Variants in EXOC6B observed in about 807,000 individuals in gnomAD.
EXOC6B encodes exocyst complex component 6B.
Under a neutral mutation model 113.5 loss-of-function variants are expected in EXOC6B, and 54 were observed. The observed-to-expected ratio is 0.48, with a 90% CI of 0.38 to 0.60. EXOC6B has a LOEUF of 0.60. Among genes scored for constraint, EXOC6B ranks in the 20% least tolerant of loss-of-function variants. The probability of loss-of-function intolerance (pLI) is 0.00; values close to 1 mark genes in which losing one functional copy is unlikely to be tolerated. For missense variants in EXOC6B, 797 were observed against 977.5 expected, an observed-to-expected ratio of 0.82 and a Z score of 2.46; for synonymous variants, 357 against 339.0, an observed-to-expected ratio of 1.05 and a Z score of -0.58.
At chr2:72,561,293 A>G (rs1208506696) in intron 7 of EXOC6B, among the ~76,000 whole-genome samples, 2 of 152,110 alleles carry the variant, frequency 1.3e-5, no homozygotes, top group Non-Finnish European at 1.5e-5. Context: ...AAAACTACAC[A>G]TGCATATGAA....
rs10171899 is a variant in EXOC6B at position 72,253,933 on chromosome 2, G to A, written c.2197-69746C>T. The stretch of plus-strand genomic sequence containing the variant: ...CCCAGCACTTCGGGAGGCTGAGGCG[G>A]GTGGATCACAAGGTCAGGAGATCAA... On this transcript the variant is annotated intron_variant, in intron 20 of 21. Coordinates refer to ENST00000272427, the MANE Select transcript of EXOC6B (RefSeq NM_015189.3). Among the ~76,000 whole-genome samples, 872 of 152,250 alleles carry A rather than the reference G, an allele frequency of 5.7e-3. 12 individuals are homozygous for A. The highest frequency in any genetic ancestry group is 0.02 in the African/African-American group (833 of 41,534).
At chr2:72,454,578 T>C (rs1246187488) in intron 18 of EXOC6B, among the ~76,000 whole-genome samples, 2 of 152,178 alleles carry the variant, frequency 1.3e-5, no homozygotes, top group African/African-American at 4.8e-5. Context: ...GTGTGGAATT[T>C]TGCAGTATGT....
chr2:72,632,958 G>A (rs1672575376), intron 6 of EXOC6B, among the ~76,000 whole-genome samples: 2 of 152,174 alleles, frequency 1.3e-5, no homozygotes, highest in South Asian at 4.1e-4. Context: ...TTACAGGCAT[G>A]AGCCACTGCA....
At chr2:72,588,332 G>T (rs1184358437) in intron 6 of EXOC6B, among the ~76,000 whole-genome samples, 1 of 151,958 alleles carries the variant, frequency 6.6e-6, no homozygotes, top group Non-Finnish European at 1.5e-5. Context: ...TACATACAAT[G>T]AAATATTATG....
At position 72,376,110 on chromosome 2, in the gene EXOC6B, G is replaced by GA. The variant is rs368007270; in HGVS notation, c.2122+3618dup. ...TTAATGAAGTAGTCTCAAGGTTCTA[G>GA]AAAAAAAAAATGTGTTAAGGAAGAT... On this transcript the variant is annotated intron_variant, in intron 19 of 21. Coordinates refer to ENST00000272427, the MANE Select transcript of EXOC6B (RefSeq NM_015189.3). Among the ~76,000 whole-genome samples, 1,185 of 148,280 alleles carry GA rather than the reference G, an allele frequency of 8.0e-3. 5 individuals are homozygous for GA. The highest frequency in any genetic ancestry group is 0.01 in the Non-Finnish European group (684 of 66,814).
chr2:72,675,050 C>T (rs1240305584), intron 6 of EXOC6B, among the ~76,000 whole-genome samples: 3 of 152,142 alleles, frequency 2.0e-5, no homozygotes, highest in Non-Finnish European at 2.9e-5. Flanking sequence ...ATCGGGTTGA[C>T]GTGTTCTTTA....
At chr2:72,228,600 A>G (rs370698148) in intron 20 of EXOC6B, among the ~76,000 whole-genome samples, 26 of 152,054 alleles carry the variant, frequency 1.7e-4, no homozygotes, top group South Asian at 4.1e-4. Context: ...TGAACTCATC[A>G]TTTTTTATGG....
chr2:72,578,765 G>A (rs143995441), intron 6 of EXOC6B, among the ~76,000 whole-genome samples: 167 of 152,096 alleles, frequency 1.1e-3, no homozygotes, highest in Non-Finnish European at 2.1e-3. Flanking sequence ...TGATTTTTCA[G>A]AGATAAATGA....
chr2:72,356,965 A>T (rs530449670), intron 19 of EXOC6B, among the ~76,000 whole-genome samples: 5 of 152,296 alleles, frequency 3.3e-5, no homozygotes, highest in African/African-American at 1.2e-4. Flanking sequence ...GGTAGGTAGC[A>T]TATAGACCAT....
intron 20 of EXOC6B, among the ~76,000 whole-genome samples, chr2:72,322,485 G>C (rs1572911258): frequency 6.6e-6 from 1 of 152,274 alleles, no homozygotes; most frequent in East Asian, 1.9e-4. Context: ...AAATGTTCTT[G>C]GTTGTGGTGG....
At chr2:72,806,838 G>A (rs566008941) in intron 1 of EXOC6B, among the ~76,000 whole-genome samples, 2 of 151,898 alleles carry the variant, frequency 1.3e-5, no homozygotes, top group African/African-American at 4.8e-5. Flanking sequence ...GTCTTCTTTC[G>A]AAAAGTGTTC....
chr2:72,515,007 G>A, intron 9 of EXOC6B, 36 bp downstream of exon 9: 1 of 1,539,640 alleles, frequency 6.5e-7, no homozygotes. Flanking sequence ...AGGAGGAAAA[G>A]TAAAAATGTG....
chr2:72,819,296 T>C (rs563122482), intron 1 of EXOC6B, among the ~76,000 whole-genome samples: 14 of 152,244 alleles, frequency 9.2e-5, no homozygotes, highest in African/African-American at 3.1e-4. Flanking sequence ...GGAAAGGTAA[T>C]AGAATTAAGT....
intron 20 of EXOC6B, among the ~76,000 whole-genome samples, chr2:72,287,465 A>G (rs1354111195): frequency 6.6e-6 from 1 of 150,852 alleles, no homozygotes; most frequent in Non-Finnish European, 1.5e-5. Context: ...ATAAAAATAA[A>G]AAAATAAAGA....
At chr2:72,444,335 C>A (rs770555138) in intron 18 of EXOC6B, among the ~76,000 whole-genome samples, 2 of 152,224 alleles carry the variant, frequency 1.3e-5, no homozygotes, top group African/African-American at 2.4e-5. Flanking sequence ...CCCAGCTGCT[C>A]TCACGGGCTG....
intron 1 of EXOC6B, among the ~76,000 whole-genome samples, chr2:72,745,526 T>G (rs907762704): frequency 6.6e-6 from 1 of 152,146 alleles, no homozygotes; most frequent in Non-Finnish European, 1.5e-5. Flanking sequence ...TTTAAAAGAC[T>G]TTGTGTTCCA....
rs375294794 is a variant in EXOC6B, at chr2:72,498,463, C to G, written c.1328G>C (p.Gly443Ala). The change falls in exon 13 of 22, where the codon GGT becomes GCT. Residue 443 changes from glycine (G) to alanine (A), a missense_variant. Transcript: ENST00000272427. ...YSETLLKKWA[G>A]IFRNILDSDN... ...ATAGATAATTTCTCACCTGAAAATA[C>G]CTGCCCACTTCTTTAGCAGAGTTTC... 5.0e-5 allele frequency: 80 copies of G among 1,608,536 alleles called. No individual in the cohort carries two copies. The highest frequency in any genetic ancestry group is 6.4e-5 in the Non-Finnish European group (75 of 1,177,258).
intron 18 of EXOC6B, among the ~76,000 whole-genome samples, chr2:72,440,042 C>T (rs1382361252): frequency 1.3e-5 from 2 of 152,056 alleles, no homozygotes; most frequent in Admixed American, 6.6e-5. Context: ...AGCAGTCTTC[C>T]CCTTCCTCTG....
chr2:72,507,980 G>T (rs1003679750), intron 11 of EXOC6B, among the ~76,000 whole-genome samples: 2 of 150,494 alleles, frequency 1.3e-5, no homozygotes, highest in African/African-American at 4.9e-5. Context: ...ACAGTGCATG[G>T]AATAAATCTG....
Sources: allele counts gnomAD v4.1 joint callset (sites outside exome capture counted in the v4.1 genomes callset), GRCh38; gene constraint gnomAD v4.1.1; transcripts MANE v1.5; gene names NCBI Gene and HGNC (gene_info 2026-07-23, HGNC 2026-07-21).